CHD2: variants seen among roughly 807,000 people sequenced by gnomAD.
CHD2 encodes chromodomain helicase DNA binding protein 2.
Under a neutral mutation model 243.9 loss-of-function variants are expected in CHD2, and 28 were observed. The observed-to-expected ratio is 0.11, with a 90% CI of 0.09 to 0.16. The LOEUF is 0.16. CHD2 is among the 10% of genes least tolerant of loss of function. CHD2 has a pLI of 1.00. For missense variants in CHD2, 1,386 were observed against 2,209.8 expected (o/e 0.63, Z 7.47); for synonymous variants, 775 against 779.0 (o/e 0.99, Z 0.09).
intron 13 of CHD2, among the ~76,000 whole-genome samples, chr15:92,952,340 A>T (rs2053564174): frequency 1.3e-5 from 2 of 151,814 alleles, no homozygotes; most frequent in East Asian, 1.9e-4. Context: ...AGGGAGGGGG[A>T]TGGTTTCTGG....
chr15:93,019,623 G>T (rs753163553), intron 37 of CHD2, among the ~76,000 whole-genome samples: 1 of 152,098 alleles, frequency 6.6e-6, no homozygotes, highest in Non-Finnish European at 1.5e-5. Context: ...GAGAAGATTG[G>T]TGTGGAAGAA....
chr15:92,915,431 T>G (rs1012749768), intron 2 of CHD2, among the ~76,000 whole-genome samples: 2 of 152,114 alleles, frequency 1.3e-5, no homozygotes, highest in African/African-American at 4.8e-5. Flanking sequence ...TGTGTCACCA[T>G]GCCCGGCTAA....
Position 93,027,088 on chromosome 15 carries a change from T to C in CHD2, c.*2383T>C, listed in dbSNP as rs1341988948. 6.5e-6 allele frequency: 1 copy of C among 152,680 alleles called. No individual in the cohort carries two copies. The highest frequency in any genetic ancestry group is 1.5e-5 in the Non-Finnish European group (1 of 68,042). The allele number at this position is 152,680 out of a possible 1,614,324, so 9.5% of individuals were successfully genotyped here. A position where few individuals can be genotyped will look rare whatever the true frequency, so the allele number is the denominator to read the frequency against. ...TGTTACATTGATTCTAAAATTACAG[T>C]GTCCCCATTAGACAACTATTTTAGG... is the stretch of plus-strand genomic sequence containing the variant. On this transcript the variant is annotated 3_prime_UTR_variant, in exon 39 of 39. Transcript: ENST00000394196.
chr15:92,918,832 T>C (rs368043117), intron 2 of CHD2, among the ~76,000 whole-genome samples: 9 of 151,636 alleles, frequency 5.9e-5, no homozygotes, highest in East Asian at 5.8e-4. Context: ...TACATATATA[T>C]ACATACACAC....
chr15:92,918,303 CAGCATT>C (rs565746466), intron 2 of CHD2, among the ~76,000 whole-genome samples: 114 of 152,278 alleles, frequency 7.5e-4, no homozygotes, highest in African/African-American at 2.6e-3. Context: ...TTTTTCTCAT[CAGCATT>C]TATTTTTGAT....
Position 92,993,302 on chromosome 15 carries a change from A to T in CHD2, c.3595+304A>T, listed in dbSNP as rs187053550. 2.9e-5 allele frequency: 8 copies of T among 277,458 alleles called. No individual in the cohort carries two copies. In the Admixed American group the frequency reaches 3.7e-4, roughly 13 times the overall value. 17.2% of individuals were successfully genotyped at this position (277,458 alleles called of 1,614,324 possible). On this transcript the variant is annotated intron_variant, in intron 28 of 38. Coordinates refer to ENST00000394196, the MANE Select transcript of CHD2 (RefSeq NM_001271.4). ...AACCCAGGGGCAGAGCTTGGTGGACACCTCTGTATTTTGGCTGCAAATAAG... is the reference window on the plus strand; with the variant it reads ...AACCCAGGGGCAGAGCTTGGTGGACTCCTCTGTATTTTGGCTGCAAATAAG...
At chr15:92,904,368 C>T (rs962982294) in intron 2 of CHD2, 82 of 870,112 alleles carry the variant, frequency 9.4e-5, no homozygotes, top group African/African-American at 1.1e-4. Flanking sequence ...GCGCCTTCGG[C>T]AGCCTCCGCC....
rs1206449780 is a variant in CHD2, at chr15:92,937,611, A to C, written c.537A>C (p.Arg179Ser). Reference protein sequence around the residue: ...EPEQKKVKARRPVPRRTVPKP... With the variant: ...EPEQKKVKARSPVPRRTVPKP... ...AACAAAAAAAAGTAAAAGCCAGAAGACCTGTCCCCAGAAGGTGCACTGTTT... is the reference window on the plus strand; with the variant it reads ...AACAAAAAAAAGTAAAAGCCAGAAGCCCTGTCCCCAGAAGGTGCACTGTTT... The change falls in exon 6 of 39, where the codon AGA becomes AGC. Residue 179 changes from arginine to serine, a missense_variant. Arg to Ser is a moderately radical substitution (Grantham distance 110). Around this residue, in one of 19 missense-constraint regions of CHD2, gnomAD observed 90 missense variants for 78.0 expected, o/e 1.15. Coordinates refer to ENST00000394196, the MANE Select transcript of CHD2 (RefSeq NM_001271.4). 1.9e-6 allele frequency: 3 copies of C among 1,613,122 alleles called. No homozygotes were observed.
At chr15:92,975,035 A>G (rs773019319) in intron 20 of CHD2, 85 bp downstream of exon 20, 12 of 1,105,722 alleles carry the variant, frequency 1.1e-5, no homozygotes, top group Non-Finnish European at 1.6e-5. Flanking sequence ...ATTCTGTTTC[A>G]GAAACAATTT....
At chr15:92,979,487 C>T (rs1235949853) in intron 22 of CHD2, among the ~76,000 whole-genome samples, 1 of 152,134 alleles carries the variant, frequency 6.6e-6, no homozygotes, top group Non-Finnish European at 1.5e-5. Context: ...GTGTTTTCCT[C>T]TCTTTCTTGC....
intron 28 of CHD2, 141 bp downstream of exon 28, chr15:92,993,139 G>T: frequency 6.1e-6 from 5 of 819,712 alleles, no homozygotes; most frequent in South Asian, 1.7e-5. Context: ...CTGCGTTTCT[G>T]TGAGCTTAAT....
chr15:92,904,577 T>A (rs1303635444), intron 2 of CHD2: 2 of 1,028,826 alleles, frequency 1.9e-6, no homozygotes, highest in African/African-American at 3.4e-5. Context: ...TTGTCCGCCC[T>A]TGCCTGTAGC....
At chr15:93,019,736 C>G (rs1033096164) in intron 37 of CHD2, among the ~76,000 whole-genome samples, 22 of 152,108 alleles carry the variant, frequency 1.4e-4, no homozygotes, top group African/African-American at 5.1e-4. Context: ...GAGTTTGAGA[C>G]CAGCCTAGCC....
intron 16 of CHD2, among the ~76,000 whole-genome samples, chr15:92,961,986 A>G (rs753187090): frequency 7.0e-6 from 1 of 143,188 alleles, no homozygotes; most frequent in African/African-American, 2.6e-5. Context: ...GTTTCAAGTG[A>G]TTATCCTGCC....
At chr15:93,014,578 G>A (rs533738705) in intron 36 of CHD2, 118 bp from the exon 37 acceptor site, 11 of 840,154 alleles carry the variant, frequency 1.3e-5, no homozygotes, top group South Asian at 3.6e-5. Flanking sequence ...GGTAGTAAAC[G>A]CCAGTTCAGA....
chr15:92,958,807 CTT>C (rs1214423514), intron 16 of CHD2, among the ~76,000 whole-genome samples: 1 of 150,718 alleles, frequency 6.6e-6, no homozygotes, highest in Non-Finnish European at 1.5e-5. Context: ...ATATTCAACT[CTT>C]TATTATAAAG....
intron 33 of CHD2, among the ~76,000 whole-genome samples, chr15:93,003,521 C>T (rs2054283424): frequency 6.6e-6 from 1 of 150,416 alleles, no homozygotes; most frequent in Non-Finnish European, 1.5e-5. Context: ...ATCTGTTTAT[C>T]CACTCTCCAG....
At chr15:92,985,786 A>G in intron 26 of CHD2, 113 bp downstream of exon 26, 3 of 1,077,026 alleles carry the variant, frequency 2.8e-6, no homozygotes, top group South Asian at 2.0e-5. Flanking sequence ...TACCTACAAA[A>G]AAGGAAAGAG....
chr15:92,953,467 T>C lies in CHD2; in HGVS notation c.1613T>C (p.Ile538Thr). Residue 538 changes from isoleucine (I) to threonine (T), a missense_variant, in exon 14 of 39, where the codon ATA (isoleucine) becomes ACA (threonine). Ile to Thr is a moderately conservative substitution (Grantham distance 89). Around this residue, in one of 19 missense-constraint regions of CHD2, gnomAD observed 63 missense variants for 108.8 expected, o/e 0.58. Transcript: ENST00000394196. ...HQHQLYGPFLIVVPLSTLTSW... is the reference protein window; with the variant it reads ...HQHQLYGPFLTVVPLSTLTSW... The stretch of plus-strand genomic sequence containing the variant: ...CACCAGCTGTATGGCCCCTTTCTTA[T>C]AGTCGTCCCTTTATCCACCCTCACC... 3.1e-6 allele frequency: 5 copies of C among 1,614,184 alleles called. No homozygotes were observed. The highest frequency in any genetic ancestry group is 2.2e-5 in the East Asian group (1 of 44,884).
Sources: allele counts gnomAD v4.1 joint callset (sites outside exome capture counted in the v4.1 genomes callset), GRCh38; gene constraint gnomAD v4.1.1; regional missense constraint gnomAD v4.1.1; transcripts MANE v1.5; gene names NCBI Gene and HGNC (gene_info 2026-07-23, HGNC 2026-07-21).